SMC2: variants seen among roughly 807,000 people sequenced by gnomAD.
SMC2 encodes structural maintenance of chromosomes 2.
SMC2 carries 41 observed loss-of-function variants against 142.6 expected under a neutral mutation model. The ratio of observed to expected loss-of-function variants is 0.29; its 90% CI spans 0.22 to 0.37. The LOEUF (loss-of-function observed/expected upper bound fraction) is 0.37, where lower values mean the gene tolerates loss of function less well. Ranked by LOEUF, SMC2 falls within the 10% of genes least tolerant of loss-of-function variation. The pLI is 1.00. For synonymous variants in SMC2, 463 were observed against 457.5 expected (o/e 1.01, Z -0.15); for missense variants, 1,265 against 1,373.7 (o/e 0.92, Z 1.25).
intron 23 of SMC2, chr9:104,135,866 A>G (rs1043091769): frequency 1.5e-5 from 8 of 518,708 alleles, no homozygotes; most frequent in Non-Finnish European, 3.1e-5. Context: ...AATACTTTTC[A>G]GACAAAAACA....
intron 1 of SMC2, 51 bp from the exon 2 acceptor site, chr9:104,095,273 T>A (rs1021708112): frequency 2.4e-6 from 2 of 833,984 alleles, no homozygotes; most frequent in Middle Eastern, 7.5e-4. Flanking sequence ...GTGTTCATTA[T>A]GATTCCAGGT....
intron 9 of SMC2, among the ~76,000 whole-genome samples, chr9:104,103,298 A>T (rs1587906386): frequency 6.6e-6 from 1 of 152,276 alleles, no homozygotes; most frequent in East Asian, 1.9e-4. Context: ...GATTGTGTTC[A>T]TACTCTCACA....
chr9:104,100,240 T>G, intron 6 of SMC2, 37 bp downstream of exon 6: 1 of 1,467,200 alleles, frequency 6.8e-7, no homozygotes, highest in Non-Finnish European at 9.2e-7. Flanking sequence ...CGGAGAAGAA[T>G]GTAATTTTGC....
chr9:104,098,304 T>C, intron 3 of SMC2, 142 bp from the exon 4 acceptor site: 1 of 610,524 alleles, frequency 1.6e-6, no homozygotes, highest in Non-Finnish European at 2.6e-6. Flanking sequence ...GACCATGTCA[T>C]ACTTGTTCCA....
Position 104,098,420 on chromosome 9 carries a change from A to C in SMC2, c.319-26A>C, listed in dbSNP as rs199689144. 295 of 1,550,422 alleles carry C rather than the reference A, an allele frequency of 1.9e-4. 1 individual carries two copies. The African/African-American group carries it at 3.5e-3, about 18-fold the overall frequency. The stretch of plus-strand genomic sequence containing the variant: ...GCACAAGGTGTGCATGTACATTAAT[A>C]TTTAAAAAATTGCTTTCTTTTATAG... On this transcript the variant is annotated intron_variant, in intron 3 of 24. Transcript: ENST00000374793.
upstream of SMC2, among the ~76,000 whole-genome samples, chr9:104,090,506 T>C (rs1829970737): frequency 1.3e-5 from 2 of 151,552 alleles, no homozygotes; most frequent in African/African-American, 4.9e-5. Context: ...GGGCTTTGGA[T>C]AGGGTGGGAA....
chr9:104,123,102 T>C lies in SMC2; in HGVS notation c.2133-6T>C. The C allele has an allele frequency of 6.3e-7, 1 of 1,597,330 alleles. No individual in the cohort carries two copies. Among genetic ancestry groups the C allele is most frequent in the Non-Finnish European group, 8.5e-7 (1 of 1,174,670 alleles). Reference sequence around the variant, plus strand: ...GTCATTTCTTACATGTTTCTGTTTTTGTAAGGTATCGCCAACTAAAACAGC... The same window carrying C: ...GTCATTTCTTACATGTTTCTGTTTTCGTAAGGTATCGCCAACTAAAACAGC... On this transcript the variant is annotated splice_polypyrimidine_tract_variant and splice_region_variant and intron_variant, in intron 16 of 24. Transcript: ENST00000374793.
intron 16 of SMC2, 124 bp downstream of exon 16, chr9:104,120,286 T>C: frequency 1.1e-6 from 1 of 883,568 alleles, no homozygotes; most frequent in Non-Finnish European, 1.6e-6. Context: ...ATTTAAAATG[T>C]TTGATTAAAT....
rs1360050606 is a variant in SMC2 at position 104,118,307 on chromosome 9, A to G, written c.1928A>G (p.Lys643Arg). The G allele has an allele frequency of 1.9e-6, 3 of 1,613,732 alleles. No homozygotes were observed. The highest frequency in any genetic ancestry group is 2.5e-6 in the Non-Finnish European group (3 of 1,179,754). Residue 643 changes from lysine to arginine, a missense_variant, in exon 15 of 25, where the codon AAG (lysine) becomes AGG (arginine). Physicochemically the swap from Lys to Arg is conservative, Grantham distance 26 (BLOSUM62 2). Transcript: ENST00000374793. Reference protein sequence around the residue: ...MDNAKKVAFDKRIMTRTVTLG... With the variant: ...MDNAKKVAFDRRIMTRTVTLG... Reference sequence around the variant, plus strand: ...AATGCCAAAAAAGTGGCCTTTGATAAGAGGATAATGACTAGAACTGTAACT... The same window carrying G: ...AATGCCAAAAAAGTGGCCTTTGATAGGAGGATAATGACTAGAACTGTAACT...
intron 3 of SMC2, among the ~76,000 whole-genome samples, chr9:104,096,880 C>G (rs182638598): frequency 6.6e-6 from 1 of 152,178 alleles, no homozygotes; most frequent in Non-Finnish European, 1.5e-5. Context: ...TCCAGTTTCC[C>G]TCCCTGCTCC....
At chr9:104,127,225 G>A in intron 19 of SMC2, 61 bp from the exon 20 acceptor site, 1 of 1,317,574 alleles carries the variant, frequency 7.6e-7, no homozygotes, top group Non-Finnish European at 1.0e-6. Context: ...TAATTGTTTA[G>A]TAAATTAAAA....
upstream of SMC2, among the ~76,000 whole-genome samples, chr9:104,093,982 G>A (rs12348443): frequency 1.7e-3 from 255 of 152,342 alleles, 3 homozygotes; most frequent in African/African-American, 5.8e-3. Context: ...GCAGACTGGA[G>A]AAGGCGGAGT....
At chr9:104,103,656 G>A (rs1031282660) in intron 9 of SMC2, among the ~76,000 whole-genome samples, 7 of 152,190 alleles carry the variant, frequency 4.6e-5, no homozygotes, top group Non-Finnish European at 7.3e-5. Flanking sequence ...AGATGAGTAG[G>A]TGTGTTTTTG....
At chr9:104,095,157 ACT>A (rs1397098554) in intron 1 of SMC2, 165 bp from the exon 2 acceptor site, 2 of 475,976 alleles carry the variant, frequency 4.2e-6, no homozygotes, top group Admixed American at 3.8e-5. Flanking sequence ...ATAGTGGCTA[ACT>A]CTGGTATATT....
At chr9:104,115,609 G>A (rs1233294356) in intron 13 of SMC2, among the ~76,000 whole-genome samples, 1 of 151,508 alleles carries the variant, frequency 6.6e-6, no homozygotes, top group South Asian at 2.1e-4. Context: ...AAAAACAAAC[G>A]TACAAGATGT....
rs57638676 is a variant in SMC2 at position 104,138,366 on chromosome 9, A to G, written c.3417+201A>G. 9.3e-3 allele frequency among the ~76,000 whole-genome samples: 1,420 copies of G among 152,304 alleles called. 29 individuals carry two copies. The highest frequency in any genetic ancestry group is 0.032 in the African/African-American group (1,347 of 41,582). The stretch of plus-strand genomic sequence containing the variant: ...TCTCCTTTTTAAGAAAGAGCTAGGC[A>G]TTAAAAATGTTGGTTGTAGCATGAG... On this transcript the variant is annotated intron_variant, in intron 24 of 24. Coordinates refer to ENST00000374793, the MANE Select transcript of SMC2 (RefSeq NM_006444.3).
intron 9 of SMC2, among the ~76,000 whole-genome samples, chr9:104,105,057 C>T (rs191671097): frequency 1.3e-5 from 2 of 152,206 alleles, no homozygotes; most frequent in African/African-American, 2.4e-5. Flanking sequence ...TGTTGGCAAT[C>T]GCATGTATTC....
chr9:104,132,192 C>T (rs1332850243), intron 22 of SMC2, 67 bp downstream of exon 22: 2 of 812,832 alleles, frequency 2.5e-6, no homozygotes, highest in Non-Finnish European at 4.1e-6. Flanking sequence ...GAGTTATACT[C>T]TATAAGAAAT....
chr9:104,098,003 A>T (rs1830649700), intron 3 of SMC2, among the ~76,000 whole-genome samples: 1 of 152,236 alleles, frequency 6.6e-6, no homozygotes. Context: ...TTAAATGGTC[A>T]TAAATCATGT....
Sources: allele counts gnomAD v4.1 joint callset (sites outside exome capture counted in the v4.1 genomes callset), GRCh38; gene constraint gnomAD v4.1.1; transcripts MANE v1.5; gene names NCBI Gene and HGNC (gene_info 2026-07-23, HGNC 2026-07-21).